Variants in DCLK1 observed in about 807,000 individuals in gnomAD.
The protein encoded by DCLK1 is serine/threonine-protein kinase DCLK1.
A neutral mutation model predicts 86.2 loss-of-function variants in DCLK1; 16 were observed. That is an observed-to-expected ratio of 0.19 (90% CI 0.13 to 0.28). The LOEUF (loss-of-function observed/expected upper bound fraction) is 0.28, where lower values mean the gene tolerates loss of function less well. Ranked by LOEUF, DCLK1 falls within the 10% of genes least tolerant of loss-of-function variation. The pLI, the probability that DCLK1 is intolerant of heterozygous loss-of-function variation, is 1.00. For synonymous variants in DCLK1, 369 were observed against 370.5 expected, an observed-to-expected ratio of 1.00 and a Z score of 0.05; for missense variants, 590 against 940.2, an observed-to-expected ratio of 0.63 and a Z score of 4.87.
At chr13:35,970,647 T>C (rs779676181) in intron 3 of DCLK1, among the ~76,000 whole-genome samples, 1 of 152,146 alleles carries the variant, frequency 6.6e-6, no homozygotes, top group Non-Finnish European at 1.5e-5. Context: ...TAAGGTGCCA[T>C]CCTGGGAGTG....
chr13:35,980,391 G>T (rs1879576173), intron 3 of DCLK1, among the ~76,000 whole-genome samples: 1 of 152,254 alleles, frequency 6.6e-6, no homozygotes, highest in Admixed American at 6.5e-5. Flanking sequence ...GGAGGTGGGG[G>T]TTGCAGTGAG....
chr13:36,052,002 T>C (rs1049014746), intron 3 of DCLK1, among the ~76,000 whole-genome samples: 2 of 152,164 alleles, frequency 1.3e-5, no homozygotes, highest in Non-Finnish European at 2.9e-5. Flanking sequence ...AAGGCTGCCA[T>C]TCACAGGAAG....
chr13:36,049,421 T>C (rs570505521), intron 3 of DCLK1, among the ~76,000 whole-genome samples: 3 of 152,314 alleles, frequency 2.0e-5, no homozygotes, highest in African/African-American at 7.2e-5. Flanking sequence ...GGTTGTTGCA[T>C]AGATCCCTTC....
At chr13:36,023,386 C>T (rs1397595538) in intron 3 of DCLK1, among the ~76,000 whole-genome samples, 1 of 152,092 alleles carries the variant, frequency 6.6e-6, no homozygotes, top group Non-Finnish European at 1.5e-5. Flanking sequence ...GTCCAAAGAC[C>T]AGCAGAAAGA....
chr13:35,947,476 G>A lies in DCLK1; in HGVS notation c.724-19C>T. The A allele has an allele frequency of 6.2e-7, 1 of 1,603,424 alleles. No homozygotes were observed. The highest frequency in any genetic ancestry group is 8.5e-7 in the Non-Finnish European group (1 of 1,170,888). On this transcript the variant is annotated intron_variant, in intron 3 of 16. Transcript: ENST00000360631. ...ACATCACCTACAAGAGAAAAGCATG[G>A]CACTCAGCAAGGGTGGTAGAACAGC... is the stretch of plus-strand genomic sequence containing the variant.
chr13:36,008,215 A>AT (rs1350313052), intron 3 of DCLK1, among the ~76,000 whole-genome samples: 6 of 4,116 alleles, frequency 1.5e-3, no homozygotes, highest in African/African-American at 5.8e-3. Flanking sequence ...TATTATTATT[A>AT]TTATTATTAT....
chr13:35,918,890 G>GT (rs532112697), intron 4 of DCLK1, among the ~76,000 whole-genome samples: 1 of 14,228 alleles, frequency 7.0e-5, no homozygotes, highest in African/African-American at 1.6e-4. Context: ...CCTTCTGAGT[G>GT]TGTTTTTTTT....
chr13:36,118,936 T>A (rs944414190), intron 2 of DCLK1, among the ~76,000 whole-genome samples: 2 of 152,188 alleles, frequency 1.3e-5, no homozygotes, highest in East Asian at 1.9e-4. Flanking sequence ...TTTGGAGGCC[T>A]CTTTCATGAA....
intron 1 of DCLK1, among the ~76,000 whole-genome samples, 186 bp downstream of exon 1, chr13:36,130,928 C>G (rs1047757152): frequency 1.3e-5 from 2 of 151,986 alleles, no homozygotes; most frequent in Admixed American, 1.3e-4. Context: ...CGCAACGCCC[C>G]CGGGTCGGGC....
chr13:35,860,230 T>C (rs1431878479), intron 5 of DCLK1, among the ~76,000 whole-genome samples: 4 of 151,788 alleles, frequency 2.6e-5, no homozygotes, highest in Non-Finnish European at 1.5e-5. Context: ...TCCCTAATCA[T>C]GGTGTAGGCT....
At chr13:35,871,410 A>G (rs1391171238) in intron 4 of DCLK1, 70 bp from the exon 5 acceptor site, 32 of 1,242,944 alleles carry the variant, frequency 2.6e-5, no homozygotes, top group Non-Finnish European at 3.7e-5. Flanking sequence ...AAAATGCACA[A>G]TAAACCTGGA....
At chr13:36,117,825 T>C (rs1382353333) in intron 2 of DCLK1, among the ~76,000 whole-genome samples, 1 of 152,110 alleles carries the variant, frequency 6.6e-6, no homozygotes, top group Non-Finnish European at 1.5e-5. Context: ...TATGAAAAGA[T>C]TCCACCACAA....
At chr13:35,807,898 G>A (rs2087060960) in intron 14 of DCLK1, among the ~76,000 whole-genome samples, 1 of 152,206 alleles carries the variant, frequency 6.6e-6, no homozygotes, top group Admixed American at 6.5e-5. Flanking sequence ...AGCTGAGAGA[G>A]GTGAAACCAC....
intron 3 of DCLK1, among the ~76,000 whole-genome samples, chr13:36,005,225 A>G (rs1173031723): frequency 3.9e-5 from 6 of 152,238 alleles, no homozygotes; most frequent in Admixed American, 3.3e-4. Context: ...TTAATAGATT[A>G]TAATTTAAAA....
At chr13:35,824,279 T>C (rs1388739149) in intron 10 of DCLK1, among the ~76,000 whole-genome samples, 5 of 152,154 alleles carry the variant, frequency 3.3e-5, no homozygotes, top group African/African-American at 1.2e-4. Flanking sequence ...TGGGCTCAAG[T>C]GATCCTCCTG....
intron 3 of DCLK1, among the ~76,000 whole-genome samples, chr13:35,962,778 A>C (rs1206003079): frequency 6.6e-6 from 1 of 152,200 alleles, no homozygotes; most frequent in Non-Finnish European, 1.5e-5. Context: ...AACATGAAGA[A>C]GGGCAAACAT....
upstream of DCLK1, chr13:36,131,452 T>C: frequency 5.9e-6 from 1 of 169,636 alleles, no homozygotes; most frequent in Non-Finnish European, 1.3e-5. Context: ...TCCCTCCTCC[T>C]CCTCCTCCTC....
intron 3 of DCLK1, among the ~76,000 whole-genome samples, chr13:36,087,001 G>A (rs939624362): frequency 1.1e-4 from 16 of 152,188 alleles, no homozygotes; most frequent in African/African-American, 3.6e-4. Context: ...TGGGATTGCT[G>A]AGTCAAATGG....
intron 14 of DCLK1, among the ~76,000 whole-genome samples, chr13:35,807,202 A>G (rs1593610184): frequency 1.3e-5 from 2 of 152,128 alleles, no homozygotes; most frequent in South Asian, 4.1e-4. Flanking sequence ...TTAGAAGTTG[A>G]TTTATCATAA....
Sources: allele counts gnomAD v4.1 joint callset (sites outside exome capture counted in the v4.1 genomes callset), GRCh38; gene constraint gnomAD v4.1.1; transcripts MANE v1.5; gene names NCBI Gene and HGNC (gene_info 2026-07-23, HGNC 2026-07-21).